The following SGCD variants were observed in gnomAD, a reference collection of about 807,000 sequenced individuals.
SGCD encodes the protein sarcoglycan delta.
In SGCD, 18 loss-of-function variants were observed where a neutral mutation model predicts 36.6. The observed-to-expected ratio is 0.49, with a 90% confidence interval of 0.34 to 0.73. The LOEUF (loss-of-function observed/expected upper bound fraction) is 0.73. SGCD is among the 30% of genes least tolerant of loss of function. The probability of loss-of-function intolerance (pLI) is 0.01; values close to 1 mark genes in which losing one functional copy is unlikely to be tolerated. For missense variants in SGCD, 387 were observed against 346.7 expected (o/e 1.12, Z -0.92); for synonymous variants, 133 against 130.6 (o/e 1.02, Z -0.12).
rs1319304422 is a variant in SGCD at position 156,444,111 on chromosome 5, TCTCTCC to T, written c.193-64488_193-64483del. Among the ~76,000 whole-genome samples the T allele has an allele frequency of 4.6e-4, 41 of 90,016 alleles. 1 individual carries two copies. Among genetic ancestry groups the T allele is most frequent in the African/African-American group, 1.8e-3 (29 of 15,894 alleles). The allele number at this position is 90,016 out of a possible 152,430, so 59.1% of individuals were successfully genotyped here. On this transcript the variant is annotated intron_variant, in intron 3 of 8. Transcript: ENST00000337851. ...CTCTCTCTCTCTCTCTCTCTCTCTC[TCTCTCC>T]CCTTCCCTCTCTCTCTCTCTCCTTC...
chr5:156,222,833 C>G (rs1343993768), intron 3 of SGCD, among the ~76,000 whole-genome samples: 1 of 152,068 alleles, frequency 6.6e-6, no homozygotes, highest in Non-Finnish European at 1.5e-5. Context: ...CTGGGCCTGT[C>G]TACTTGCTTA....
intron 1 of SGCD, among the ~76,000 whole-genome samples, chr5:156,039,143 C>T (rs1759573101): frequency 6.6e-6 from 1 of 152,062 alleles, no homozygotes; most frequent in Admixed American, 6.6e-5. Flanking sequence ...TTATGGCCCA[C>T]TCCACCACCT....
intron 6 of SGCD, among the ~76,000 whole-genome samples, chr5:156,625,651 C>A (rs1352538946): frequency 6.6e-6 from 1 of 152,142 alleles, no homozygotes; most frequent in Non-Finnish European, 1.5e-5. Context: ...TCTCTGGGGT[C>A]CATTGTCCCA....
At chr5:156,349,615 G>A (rs1769131822) in intron 3 of SGCD, among the ~76,000 whole-genome samples, 1 of 152,110 alleles carries the variant, frequency 6.6e-6, no homozygotes, top group Admixed American at 6.6e-5. Context: ...TGGATGTGGT[G>A]AAGAAGGAAT....
intron 4 of SGCD, among the ~76,000 whole-genome samples, chr5:156,563,412 C>T (rs1277110367): frequency 6.6e-5 from 10 of 152,150 alleles, no homozygotes; most frequent in African/African-American, 2.4e-4. Flanking sequence ...GGGAAATAAC[C>T]AAGGTCCCAT....
At chr5:156,652,507 C>A (rs755515353) in intron 7 of SGCD, among the ~76,000 whole-genome samples, 10 of 143,898 alleles carry the variant, frequency 6.9e-5, no homozygotes, top group Non-Finnish European at 1.3e-4. Context: ...CATATACACA[C>A]ATACACACAC....
At chr5:156,416,252 G>T (rs971759082) in intron 3 of SGCD, among the ~76,000 whole-genome samples, 1 of 152,178 alleles carries the variant, frequency 6.6e-6, no homozygotes, top group Non-Finnish European at 1.5e-5. Flanking sequence ...TATTCTAAGT[G>T]AAGTAACTCA....
chr5:155,941,016 G>A (rs527803094), intron 1 of SGCD, among the ~76,000 whole-genome samples: 9 of 150,834 alleles, frequency 6.0e-5, no homozygotes, highest in South Asian at 4.2e-4. Context: ...TTTTTGGCTC[G>A]CAATTCTGGA....
At chr5:156,110,185 G>A (rs975426726) in intron 1 of SGCD, among the ~76,000 whole-genome samples, 2 of 152,156 alleles carry the variant, frequency 1.3e-5, no homozygotes, top group African/African-American at 4.8e-5. Flanking sequence ...TGCTGCCTTG[G>A]ATAAGTTGAT....
At chr5:155,831,661 G>A in the SGCD span, among the ~76,000 whole-genome samples, 7 of 152,154 alleles carry the variant, frequency 4.6e-5, no homozygotes, top group African/African-American at 9.7e-5. Flanking sequence ...GGCATCCCCC[G>A]TCACAAATCC....
intron 6 of SGCD, among the ~76,000 whole-genome samples, chr5:156,640,256 G>A (rs895013842): frequency 6.6e-6 from 1 of 151,424 alleles, no homozygotes; most frequent in African/African-American, 2.4e-5. Flanking sequence ...ACTATGTGAA[G>A]TGTGCATTTA....
intron 3 of SGCD, among the ~76,000 whole-genome samples, chr5:156,393,384 C>A (rs533781353): frequency 8.3e-4 from 127 of 152,214 alleles, no homozygotes; most frequent in African/African-American, 3.0e-3. Context: ...AGAATTTTAC[C>A]AATAAGTCAG....
the SGCD span, among the ~76,000 whole-genome samples, chr5:155,744,555 A>G: frequency 2.0e-5 from 3 of 152,246 alleles, no homozygotes; most frequent in African/African-American, 7.2e-5. Flanking sequence ...ATAATAAATG[A>G]TTAGGAAGAT....
chr5:155,888,881 A>T (rs1039907568), intron 1 of SGCD, among the ~76,000 whole-genome samples: 1 of 152,074 alleles, frequency 6.6e-6, no homozygotes, highest in South Asian at 2.1e-4. Flanking sequence ...TAATGTCCAC[A>T]TCCTTCACTT....
chr5:155,795,238 A>G, the SGCD span, among the ~76,000 whole-genome samples: 1 of 152,202 alleles, frequency 6.6e-6, no homozygotes, highest in African/African-American at 2.4e-5. Context: ...TGAGAAATAC[A>G]TGGCTGGATA....
chr5:155,912,360 G>A (rs796703100), intron 1 of SGCD, among the ~76,000 whole-genome samples: 24 of 152,230 alleles, frequency 1.6e-4, no homozygotes, highest in African/African-American at 5.3e-4. Flanking sequence ...AGCGTTTCTT[G>A]TGCTGGCAAT....
At chr5:156,645,740 A>G (rs1395786601) in intron 6 of SGCD, among the ~76,000 whole-genome samples, 1 of 152,138 alleles carries the variant, frequency 6.6e-6, no homozygotes, top group African/African-American at 2.4e-5. Context: ...CCTGAGCCTC[A>G]AAGATACTAA....
intron 1 of SGCD, among the ~76,000 whole-genome samples, chr5:155,968,364 T>C (rs1366757963): frequency 6.6e-6 from 1 of 152,104 alleles, no homozygotes; most frequent in Non-Finnish European, 1.5e-5. Context: ...ATTTACTATA[T>C]GAGTATATAT....
At chr5:156,692,406 G>C (rs1754150616) in intron 7 of SGCD, among the ~76,000 whole-genome samples, 1 of 152,218 alleles carries the variant, frequency 6.6e-6, no homozygotes. Context: ...GCATGATGGA[G>C]TGGGGAGAAA....
Sources: gnomAD v4.1 joint callset for allele counts (sites outside exome capture counted in the v4.1 genomes callset) on GRCh38, gnomAD v4.1.1 for gene constraint, MANE v1.5 for transcripts, NCBI Gene and HGNC (gene_info 2026-07-23, HGNC 2026-07-21) for gene names.